The following KLHL1 variants were observed in gnomAD, a reference collection of about 807,000 sequenced individuals.
KLHL1 encodes kelch like family member 1.
In KLHL1, 47 loss-of-function variants were observed where a neutral mutation model predicts 77.7. The observed-to-expected ratio is 0.60, with a 90% CI of 0.48 to 0.77. KLHL1 has a LOEUF of 0.77. Ranked by LOEUF, KLHL1 falls within the 30% of genes least tolerant of loss-of-function variation. The pLI is 0.00. For synonymous variants in KLHL1, 360 were observed against 325.2 expected, an observed-to-expected ratio of 1.11 and a Z score of -1.15; for missense variants, 925 against 910.8, an observed-to-expected ratio of 1.02 and a Z score of -0.20.
rs187510263 is a variant in KLHL1, at chr13:70,070,555, A to C, written c.497+36648T>G. Among the ~76,000 whole-genome samples the C allele has an allele frequency of 1.2e-3, 182 of 152,236 alleles. 3 individuals are homozygous for C. Among genetic ancestry groups the C allele is most frequent in the African/African-American group, 4.2e-3 (174 of 41,520 alleles). On this transcript the variant is annotated intron_variant, in intron 1 of 10. Transcript: ENST00000377844. ...ATTAAGGAAAAATAAAAAAATTCTT[A>C]AACAAAAATACAAAGAATTTGTTGC...
chr13:69,739,318 G>A (rs373999211), intron 8 of KLHL1, among the ~76,000 whole-genome samples: 2 of 152,190 alleles, frequency 1.3e-5, no homozygotes, highest in South Asian at 4.1e-4. Context: ...ATACAGACCA[G>A]TGACACTATG....
intron 6 of KLHL1, among the ~76,000 whole-genome samples, chr13:69,821,534 C>T (rs1353521073): frequency 6.6e-6 from 1 of 152,004 alleles, no homozygotes; most frequent in East Asian, 1.9e-4. Flanking sequence ...AGGCTGGTCT[C>T]GAACTCCTGA....
intron 9 of KLHL1, among the ~76,000 whole-genome samples, chr13:69,718,898 A>G (rs1388007431): frequency 1.3e-5 from 2 of 152,158 alleles, no homozygotes; most frequent in African/African-American, 4.8e-5. Context: ...GTATGTCATA[A>G]AAGAACTTGA....
chr13:69,917,691 A>C (rs956863868), intron 4 of KLHL1, among the ~76,000 whole-genome samples: 5 of 152,060 alleles, frequency 3.3e-5, no homozygotes, highest in Admixed American at 2.6e-4. Context: ...AACATAAACC[A>C]CTTTGATAAT....
rs1431651061 is a variant in KLHL1 at position 69,759,798 on chromosome 13, G to C, written c.1640-19242C>G. ...AGCTGAGACTTCATGCCTAAATATT[G>C]TATCGTCATTTGCCCAAACCAAAGA... On this transcript the variant is annotated intron_variant, in intron 7 of 10. Coordinates refer to ENST00000377844, the MANE Select transcript of KLHL1 (RefSeq NM_020866.3). Among the ~76,000 whole-genome samples the C allele has an allele frequency of 3.3e-5, 5 of 152,094 alleles. No individual in the cohort carries two copies. In the East Asian group the frequency reaches 9.6e-4, roughly 29 times the overall value.
intron 1 of KLHL1, among the ~76,000 whole-genome samples, chr13:70,073,903 G>A (rs1180474142): frequency 3.3e-5 from 5 of 151,498 alleles, no homozygotes; most frequent in Admixed American, 6.6e-5. Flanking sequence ...TTGGCTCACC[G>A]CAGCCTCCAC....
At chr13:69,741,569 C>T (rs919520081) in intron 7 of KLHL1, among the ~76,000 whole-genome samples, 3 of 152,232 alleles carry the variant, frequency 2.0e-5, no homozygotes, top group Middle Eastern at 3.4e-3. Context: ...GTTCCCCACG[C>T]CCCAATTCCC....
At chr13:69,900,824 T>C (rs1158149020) in intron 4 of KLHL1, among the ~76,000 whole-genome samples, 1 of 152,234 alleles carries the variant, frequency 6.6e-6, no homozygotes, top group Non-Finnish European at 1.5e-5. Flanking sequence ...TCTGTCCTTA[T>C]TAAACTACCA....
intron 4 of KLHL1, among the ~76,000 whole-genome samples, chr13:69,887,416 C>T (rs1285221751): frequency 1.3e-5 from 2 of 152,086 alleles, no homozygotes; most frequent in Non-Finnish European, 2.9e-5. Context: ...ACAACAGGGC[C>T]AGGCTGATAA....
intron 4 of KLHL1, among the ~76,000 whole-genome samples, chr13:69,916,832 A>G (rs924423743): frequency 6.6e-6 from 1 of 152,150 alleles, no homozygotes; most frequent in Non-Finnish European, 1.5e-5. Context: ...TATAATTGGT[A>G]AATTTCTATA....
chr13:69,997,923 A>T lies in KLHL1; in HGVS notation c.498-22121T>A, dbSNP rs1885198606. On this transcript the variant is annotated intron_variant, in intron 1 of 10. Coordinates refer to ENST00000377844, the MANE Select transcript of KLHL1 (RefSeq NM_020866.3). ...AATAGTGCAATAAACATAGGAGTGC[A>T]CGTGTCTCTTCGAGATCCTGATTTC... 2.0e-5 allele frequency among the ~76,000 whole-genome samples: 3 copies of T among 151,770 alleles called. No homozygotes were observed. In the Admixed American group the frequency reaches 2.0e-4, roughly 10 times the overall value.
chr13:69,747,559 T>G (rs1476156030), intron 7 of KLHL1, among the ~76,000 whole-genome samples: 1 of 152,008 alleles, frequency 6.6e-6, no homozygotes, highest in Non-Finnish European at 1.5e-5. Flanking sequence ...TATTGTTGTC[T>G]TCATACTCAA....
chr13:69,930,696 A>G (rs1882972239), intron 4 of KLHL1, among the ~76,000 whole-genome samples: 1 of 151,796 alleles, frequency 6.6e-6, no homozygotes, highest in Non-Finnish European at 1.5e-5. Context: ...ATAAAAGCAT[A>G]AAATGTGAAA....
At chr13:69,881,890 G>C (rs1881006231) in intron 5 of KLHL1, among the ~76,000 whole-genome samples, 1 of 152,024 alleles carries the variant, frequency 6.6e-6, no homozygotes, top group Non-Finnish European at 1.5e-5. Flanking sequence ...TACATCAATG[G>C]ATGATCACAT....
At chr13:69,757,392 T>C (rs1054778165) in intron 7 of KLHL1, among the ~76,000 whole-genome samples, 25 of 152,286 alleles carry the variant, frequency 1.6e-4, no homozygotes, top group Middle Eastern at 3.4e-3. Context: ...TTTAGGAACC[T>C]TGTAAAATTT....
At chr13:69,880,760 A>C (rs1880958062) in intron 5 of KLHL1, among the ~76,000 whole-genome samples, 1 of 152,138 alleles carries the variant, frequency 6.6e-6, no homozygotes. Context: ...ATCTGGTCAC[A>C]TTCTTGACCT....
chr13:69,918,462 T>C (rs964181504), intron 4 of KLHL1, among the ~76,000 whole-genome samples: 3 of 151,898 alleles, frequency 2.0e-5, no homozygotes. Flanking sequence ...GACAACATCA[T>C]CTATTGCAAT....
At position 70,107,601 on chromosome 13, in the gene KLHL1, C is replaced by G. The variant is rs139358653; in HGVS notation, c.99G>C (p.Ala33=). Residue 33 remains alanine, a synonymous_variant, in exon 1 of 11, where the codon GCG becomes GCC. Coordinates refer to ENST00000377844, the MANE Select transcript of KLHL1 (RefSeq NM_020866.3). The stretch of plus-strand genomic sequence containing the variant: ...CGTCCTGTTGCAGGCAGCCTCCCCC[C>G]GCCGGGCCGCCGGTGGAAGGAGACG... The part of the protein sequence containing the change: ...SHPSPSTGGP[A]GGGCLQQDGS... 752 of 1,593,512 alleles carry G rather than the reference C, an allele frequency of 4.7e-4. No homozygotes were observed. The highest frequency in any genetic ancestry group is 5.9e-4 in the Admixed American group (34 of 57,624).
At chr13:69,732,740 A>G (rs1043224782) in intron 8 of KLHL1, among the ~76,000 whole-genome samples, 5 of 151,632 alleles carry the variant, frequency 3.3e-5, no homozygotes, top group Non-Finnish European at 7.4e-5. Flanking sequence ...AGCACCAGAC[A>G]CACCTAGTTT....
Sources: allele counts gnomAD v4.1 joint callset (sites outside exome capture counted in the v4.1 genomes callset), GRCh38; gene constraint gnomAD v4.1.1; transcripts MANE v1.5; gene names NCBI Gene and HGNC (gene_info 2026-07-23, HGNC 2026-07-21).